Variants in ASMTL observed in about 807,000 individuals in gnomAD.
ASMTL encodes probable bifunctional dTTP/UTP pyrophosphatase/methyltransferase protein.
A neutral mutation model predicts 60.3 loss-of-function variants in ASMTL; 57 were observed. That is an observed-to-expected ratio of 0.95 (90% CI 0.76 to 1.18). The LOEUF is 1.18. ASMTL is among the 50% of genes most tolerant of loss of function. The pLI is 0.00. For synonymous variants in ASMTL, 419 were observed against 373.0 expected, an observed-to-expected ratio of 1.12 and a Z score of -1.42; for missense variants, 981 against 852.6, an observed-to-expected ratio of 1.15 and a Z score of -1.88.
At chrX:1,442,674 T>C (rs2091133926) in intron 1 of ASMTL, among the ~76,000 whole-genome samples, 1 of 152,046 alleles carries the variant, frequency 6.6e-6, no homozygotes. Context: ...TGTCCGAGGA[T>C]TCCCAGAGAC....
chrX:1,422,213 G>A (rs1407685479), intron 8 of ASMTL, among the ~76,000 whole-genome samples: 2 of 152,092 alleles, frequency 1.3e-5, no homozygotes, highest in African/African-American at 4.8e-5. Context: ...GTGTGCTGTA[G>A]CTGGCGTTTG....
Position 1,425,521 on chromosome X carries a change from T to C in ASMTL, c.1060+4A>G, listed in dbSNP as rs764981191. 3.7e-6 allele frequency: 6 copies of C among 1,610,314 alleles called. No individual in the cohort carries two copies. In the African/African-American group the frequency reaches 8.0e-5, roughly 22 times the overall value. On this transcript the variant is annotated splice_donor_region_variant and intron_variant, in intron 8 of 12. Transcript: ENST00000381317. ...TCAGAGCAAAACCCGCTGGGTCCTG[T>C]CACCTTGCTCTGTCTTCTCCAGGAG...
At chrX:1,421,609 A>G (rs1375109794) in intron 9 of ASMTL, 49 bp downstream of exon 9, 2 of 1,603,460 alleles carry the variant, frequency 1.2e-6, no homozygotes. Flanking sequence ...AAAGTGTTTT[A>G]GCAAAATGCA....
At chrX:1,420,304 CCTCT>C (rs1304459621) in intron 9 of ASMTL, among the ~76,000 whole-genome samples, 8 of 151,458 alleles carry the variant, frequency 5.3e-5, no homozygotes, top group Admixed American at 1.3e-4. Context: ...TTTCTGTCTC[CCTCT>C]ATCTCCCTGT....
At chrX:1,453,069 C>T, upstream of ASMTL, 1 of 522,418 alleles carries the variant, frequency 1.9e-6, no homozygotes, top group Non-Finnish European at 3.2e-6. Context: ...CAGGCCACAC[C>T]TCCATTGCCC....
At chrX:1,435,539 C>T in intron 4 of ASMTL, 155 bp downstream of exon 4, 1 of 720,520 alleles carries the variant, frequency 1.4e-6, no homozygotes, top group South Asian at 1.6e-5. Flanking sequence ...TAGTGCCTGC[C>T]TCCCTGCATA....
At chrX:1,435,596 A>C in intron 4 of ASMTL, 98 bp downstream of exon 4, 2 of 1,182,776 alleles carry the variant, frequency 1.7e-6, no homozygotes, top group Non-Finnish European at 2.5e-6. Flanking sequence ...GGCAGAGCTG[A>C]CAGAGATCCA....
At chrX:1,412,320 C>A (rs28406610) in intron 12 of ASMTL, among the ~76,000 whole-genome samples, 1 of 151,958 alleles carries the variant, frequency 6.6e-6, no homozygotes. Context: ...CTCCAGCTCC[C>A]GGGTTCAAGT....
chrX:1,418,012 G>T lies in ASMTL; in HGVS notation c.1483C>A (p.Pro495Thr), dbSNP rs1375208641. The stretch of plus-strand genomic sequence containing the variant: ...ATCTGCACTGCCTGCGGTCCGGGGG[G>T]TTGGAAGTGGGCGGCCAGCTCGATA... ...DIIELAAHFQ[P>T]PGPQAVQIHF... Residue 495 changes from proline to threonine, a missense_variant, in exon 11 of 13, where the codon CCC becomes ACC. Pro to Thr is a conservative substitution (Grantham distance 38). Coordinates refer to ENST00000381317, the MANE Select transcript of ASMTL (RefSeq NM_004192.4). 10 of 1,613,528 alleles carry T rather than the reference G, an allele frequency of 6.2e-6. No homozygotes were observed. In the South Asian group the frequency reaches 8.8e-5, roughly 14 times the overall value.
rs767827188 is a variant in ASMTL at position 1,410,701 on chromosome X, C to T, written c.1645+2031G>A. ...TGCTGGGATTACAGGTGTGAGCCAC[C>T]GTGCCCGGTCTCAGAAAAAACTTCT... On this transcript the variant is annotated intron_variant, in intron 12 of 12. Transcript: ENST00000381317. 5.4e-3 allele frequency among the ~76,000 whole-genome samples: 817 copies of T among 151,670 alleles called. 4 individuals carry two copies. Among genetic ancestry groups the T allele is most frequent in the Non-Finnish European group, 9.6e-3 (649 of 67,912 alleles).
chrX:1,415,197 T>G (rs2090193254), intron 11 of ASMTL, among the ~76,000 whole-genome samples: 1 of 152,242 alleles, frequency 6.6e-6, no homozygotes. Flanking sequence ...CGCCTCAGCC[T>G]CCCAGAGGGC....
chrX:1,418,681 G>A (rs1247715203), intron 10 of ASMTL, among the ~76,000 whole-genome samples: 1 of 152,136 alleles, frequency 6.6e-6, no homozygotes, highest in African/African-American at 2.4e-5. Context: ...GGGTGGGGTG[G>A]AGGGTGAGTC....
chrX:1,446,486 C>T (rs1214707778), intron 1 of ASMTL, among the ~76,000 whole-genome samples: 3 of 147,170 alleles, frequency 2.0e-5, no homozygotes, highest in African/African-American at 7.5e-5. Context: ...GGGCTGGTCC[C>T]TACATCTCAT....
At position 1,404,270 on chromosome X, in the gene ASMTL, G is replaced by A. The variant is rs188556356; in HGVS notation, c.1646-781C>T. Among the ~76,000 whole-genome samples the A allele has an allele frequency of 1.2e-4, 18 of 150,316 alleles. 1 individual carries two copies. The highest frequency in any genetic ancestry group is 4.4e-4 in the African/African-American group (18 of 40,460). On this transcript the variant is annotated intron_variant, in intron 12 of 12. Transcript: ENST00000381317. The stretch of plus-strand genomic sequence containing the variant: ...GAATGGATGGATAGATGGATGCATG[G>A]ATGAGATGGATGGATGGATGGGTGA...
intron 10 of ASMTL, among the ~76,000 whole-genome samples, chrX:1,418,685 G>A (rs1232133078): frequency 6.6e-6 from 1 of 152,086 alleles, no homozygotes; most frequent in East Asian, 1.9e-4. Flanking sequence ...GGGGTGGAGG[G>A]TGAGTCAGGA....
intron 2 of ASMTL, among the ~76,000 whole-genome samples, chrX:1,441,396 C>T (rs1335927378): frequency 1.3e-5 from 2 of 152,118 alleles, no homozygotes; most frequent in Non-Finnish European, 2.9e-5. Context: ...CCTGCCTCAG[C>T]CTCCTGAGTA....
At position 1,403,502 on chromosome X, in the gene ASMTL, G is replaced by A; in HGVS notation, c.1646-13C>T. 6.2e-7 allele frequency: 1 copy of A among 1,611,330 alleles called. No individual in the cohort carries two copies. The highest frequency in any genetic ancestry group is 8.5e-7 in the Non-Finnish European group (1 of 1,179,042). On this transcript the variant is annotated splice_polypyrimidine_tract_variant and intron_variant, in intron 12 of 12. Coordinates refer to ENST00000381317, the MANE Select transcript of ASMTL (RefSeq NM_004192.4). ...AGCAGGCCGGCCCCTGAGGGAGACA[G>A]CAGAGAGCTGGAGTCCTGGCCAGCC...
chrX:1,407,998 A>AGGTCAAGGCTGCAGTG (rs1365852414), intron 12 of ASMTL, among the ~76,000 whole-genome samples: 1 of 151,894 alleles, frequency 6.6e-6, no homozygotes, highest in Non-Finnish European at 1.5e-5. Context: ...TGAGCCCAGG[A>AGGTCAAGGCTGCAGTG]AGGGTAGCCT....
chrX:1,407,469 AGATG>A (rs1265221500), intron 12 of ASMTL, among the ~76,000 whole-genome samples: 2 of 146,454 alleles, frequency 1.4e-5, no homozygotes, highest in African/African-American at 2.6e-5. Flanking sequence ...ATAGATGAAT[AGATG>A]GATAGATGGA....
Sources: allele counts gnomAD v4.1 joint callset (sites outside exome capture counted in the v4.1 genomes callset), GRCh38; gene constraint gnomAD v4.1.1; transcripts MANE v1.5; gene names NCBI Gene and HGNC (gene_info 2026-07-23, HGNC 2026-07-21).